VPS36: variants seen among roughly 807,000 people sequenced by gnomAD.
VPS36 encodes the protein vacuolar protein-sorting-associated protein 36.
In VPS36, 31 loss-of-function variants were observed where a neutral mutation model predicts 63.5. That is an observed-to-expected ratio of 0.49 (90% confidence interval 0.37 to 0.66). The LOEUF is 0.66. Among genes scored for constraint, VPS36 ranks in the 30% least tolerant of loss-of-function variants. The pLI is 0.00. For missense variants in VPS36, 338 were observed against 463.7 expected (o/e 0.73, Z 2.49); for synonymous variants, 138 against 157.2 (o/e 0.88, Z 0.91).
intron 6 of VPS36, chr13:52,429,091 T>TA (rs1227690572): frequency 6.0e-6 from 1 of 166,558 alleles, no homozygotes; most frequent in Non-Finnish European, 1.2e-5. Context: ...ATCCATTCTA[T>TA]AATTGCATCT....
intron 10 of VPS36, among the ~76,000 whole-genome samples, chr13:52,421,913 G>A (rs1051546597): frequency 6.6e-6 from 1 of 152,082 alleles, no homozygotes; most frequent in African/African-American, 2.4e-5. Flanking sequence ...AATGTGTAAT[G>A]ATCAAGTCAG....
At chr13:52,443,668 C>T (rs764404821) in intron 1 of VPS36, among the ~76,000 whole-genome samples, 1 of 152,188 alleles carries the variant, frequency 6.6e-6, no homozygotes, top group Non-Finnish European at 1.5e-5. Context: ...CTGACTAGGA[C>T]ATACTCTTTG....
In VPS36 at chr13:52,412,872, A is replaced by C. The variant is rs1221783183; in HGVS notation, c.*2958T>G. 6.6e-6 allele frequency: 1 copy of C among 152,530 alleles called. No individual in the cohort carries two copies. Among genetic ancestry groups the C allele is most frequent in the Non-Finnish European group, 1.5e-5 (1 of 68,048 alleles). 9.4% of individuals were successfully genotyped at this position (152,530 alleles called of 1,614,324 possible). On this transcript the variant is annotated 3_prime_UTR_variant, in exon 14 of 14. Coordinates refer to ENST00000378060, the MANE Select transcript of VPS36 (RefSeq NM_016075.4). ...AATTTACATAAATTCAACCATACCT[A>C]CTGGAAAAAGACACATGCATGGAAA... is the stretch of plus-strand genomic sequence containing the variant.
intron 8 of VPS36, 42 bp from the exon 9 acceptor site, chr13:52,426,108 C>T (rs761087988): frequency 6.2e-7 from 1 of 1,600,088 alleles, no homozygotes; most frequent in East Asian, 2.2e-5. Flanking sequence ...GTCTCTCCAC[C>T]TCAATATTTG....
At chr13:52,446,372 A>T (rs138896461) in intron 1 of VPS36, among the ~76,000 whole-genome samples, 27 of 152,282 alleles carry the variant, frequency 1.8e-4, no homozygotes, top group African/African-American at 6.5e-4. Context: ...ATGTTAATTT[A>T]AGGCTGGAGC....
intron 9 of VPS36, among the ~76,000 whole-genome samples, chr13:52,425,475 G>A (rs893598858): frequency 6.6e-6 from 1 of 152,032 alleles, no homozygotes; most frequent in African/African-American, 2.4e-5. Flanking sequence ...GCTGGATGAT[G>A]GCCACAGAGG....
intron 6 of VPS36, among the ~76,000 whole-genome samples, chr13:52,430,873 A>G (rs2137790037): frequency 6.6e-6 from 1 of 152,188 alleles, no homozygotes; most frequent in South Asian, 2.1e-4. Flanking sequence ...ACTCTTTGAT[A>G]GCAACACTTC....
chr13:52,413,516 T>C lies in VPS36; in HGVS notation c.*2314A>G, dbSNP rs1957965921. 1 of 152,220 alleles carries C rather than the reference T, an allele frequency of 6.6e-6. No homozygotes were observed. The highest frequency in any genetic ancestry group is 2.1e-4 in the South Asian group (1 of 4,838). The allele number at this position is 152,220 out of a possible 1,614,324, so 9.4% of individuals were successfully genotyped here. On this transcript the variant is annotated 3_prime_UTR_variant, in exon 14 of 14. Coordinates refer to ENST00000378060, the MANE Select transcript of VPS36 (RefSeq NM_016075.4). ...AAAAGAATGCCAAGAAAAATCATTT[T>C]TAAATTTTGCAATAATTTTACTCTA... is the stretch of plus-strand genomic sequence containing the variant.
chr13:52,426,191 T>C (rs1958099458), intron 8 of VPS36, 125 bp from the exon 9 acceptor site: 1 of 1,214,244 alleles, frequency 8.2e-7, no homozygotes, highest in African/African-American at 1.5e-5. Context: ...TGTGTTTCTA[T>C]GCTGTGAACT....
chr13:52,431,566 C>T (rs1958156467), intron 6 of VPS36, among the ~76,000 whole-genome samples: 1 of 151,814 alleles, frequency 6.6e-6, no homozygotes, highest in African/African-American at 2.4e-5. Context: ...AGTTCGAGAG[C>T]AGCCTGACCA....
chr13:52,437,652 CG>C (rs1958232400), intron 3 of VPS36, among the ~76,000 whole-genome samples: 1 of 151,992 alleles, frequency 6.6e-6, no homozygotes, highest in Admixed American at 6.6e-5. Context: ...GAAATAAAGC[CG>C]GGCGCGGTGG....
intron 1 of VPS36, among the ~76,000 whole-genome samples, chr13:52,443,523 C>T (rs1306217257): frequency 6.6e-6 from 1 of 152,100 alleles, no homozygotes; most frequent in African/African-American, 2.4e-5. Flanking sequence ...CATCTGCAAG[C>T]CAGGAAGAGT....
intron 4 of VPS36, 30 bp from the exon 5 acceptor site, chr13:52,434,912 AC>A: frequency 6.4e-7 from 1 of 1,563,882 alleles, no homozygotes; most frequent in South Asian, 1.1e-5. Flanking sequence ...ACTTTAAATG[AC>A]TCAGTCAGAT....
At chr13:52,447,564 G>C (rs1362474661) in intron 1 of VPS36, among the ~76,000 whole-genome samples, 1 of 152,148 alleles carries the variant, frequency 6.6e-6, no homozygotes, top group Non-Finnish European at 1.5e-5. Flanking sequence ...ATAAACAAGC[G>C]AGTCTGCATG....
rs1271131918 is a variant in VPS36 at position 52,415,317 on chromosome 13, A to G, written c.*513T>C. ...TATATGTGTCAAATAAAATTATTTC[A>G]TTTTTAAAGGTATTTTATTTGGTAT... On this transcript the variant is annotated 3_prime_UTR_variant, in exon 14 of 14. Transcript: ENST00000378060. 1 of 152,248 alleles carries G rather than the reference A, an allele frequency of 6.6e-6. No homozygotes were observed. Among genetic ancestry groups the G allele is most frequent in the African/African-American group, 2.4e-5 (1 of 41,462 alleles). 9.4% of individuals were successfully genotyped at this position (152,248 alleles called of 1,614,324 possible).
In VPS36 at chr13:52,415,133, A is replaced by G. The variant is rs1482760592; in HGVS notation, c.*697T>C. The G allele has an allele frequency of 2.6e-5, 4 of 152,146 alleles. No homozygotes were observed. The highest frequency in any genetic ancestry group is 2.6e-4 in the Admixed American group (4 of 15,270). The allele number at this position is 152,146 out of a possible 1,614,324, so 9.4% of individuals were successfully genotyped here. The stretch of plus-strand genomic sequence containing the variant: ...AATTCCTGAGCCGTCTACCTCCTAA[A>G]TTTGTAATCATAACTCTGGGCATGT... On this transcript the variant is annotated 3_prime_UTR_variant, in exon 14 of 14. Transcript: ENST00000378060.
intron 1 of VPS36, among the ~76,000 whole-genome samples, chr13:52,446,157 TG>T (rs1449974296): frequency 6.7e-6 from 1 of 149,862 alleles, no homozygotes; most frequent in African/African-American, 2.5e-5. Context: ...TCCCAGCTAC[TG>T]GGGAGGCTGA....
In VPS36 at chr13:52,423,637, T is replaced by C. The variant is rs1211415824; in HGVS notation, c.777A>G (p.Glu259=). 3 of 1,609,856 alleles carry C rather than the reference T, an allele frequency of 1.9e-6. No homozygotes were observed. The highest frequency in any genetic ancestry group is 2.5e-6 in the Non-Finnish European group (3 of 1,178,074). Reference sequence around the variant, plus strand: ...CCGTGAGTGACATTATTCCCCCTCGTTCCTGTTCAAATATGAAATTTTTAA... The same window carrying C: ...CCGTGAGTGACATTATTCCCCCTCGCTCCTGTTCAAATATGAAATTTTTAA... The part of the protein sequence containing the change: ...LAGILQVPLE[E]RGGIMSLTEV... Residue 259 remains glutamate, a splice_region_variant and synonymous_variant, in exon 10 of 14, where the codon GAA becomes GAG. Transcript: ENST00000378060.
At chr13:52,431,762 C>CAAAAAAA (rs60968712) in intron 6 of VPS36, among the ~76,000 whole-genome samples, 1 of 68,118 alleles carries the variant, frequency 1.5e-5, no homozygotes, top group Non-Finnish European at 3.1e-5. Flanking sequence ...GACTCTGTCT[C>CAAAAAAA]AAAAAAAAAA....
Sources: gnomAD v4.1 joint callset for allele counts (sites outside exome capture counted in the v4.1 genomes callset) on GRCh38, gnomAD v4.1.1 for gene constraint, MANE v1.5 for transcripts, NCBI Gene and HGNC (gene_info 2026-07-23, HGNC 2026-07-21) for gene names.